The following WDFY4 variants were observed in gnomAD, a reference collection of about 807,000 sequenced individuals.
WDFY4 encodes the protein WDFY family member 4, also known as WD repeat- and FYVE domain-containing protein 4.
Under a neutral mutation model 351.9 loss-of-function variants are expected in WDFY4, and 169 were observed. That is an observed-to-expected ratio of 0.48 (90% confidence interval 0.42 to 0.55). The LOEUF is 0.55. Among genes scored for constraint, WDFY4 ranks in the 20% least tolerant of loss-of-function variants. The probability of loss-of-function intolerance (pLI) is 0.00; values close to 1 mark genes in which losing one functional copy is unlikely to be tolerated. For missense variants in WDFY4, 3,803 were observed against 3,935.6 expected (o/e 0.97, Z 0.90); for synonymous variants, 1,622 against 1,574.6 (o/e 1.03, Z -0.71).
intron 39 of WDFY4, among the ~76,000 whole-genome samples, chr10:48,862,894 A>C (rs1001985019): frequency 3.9e-5 from 6 of 152,186 alleles, no homozygotes; most frequent in African/African-American, 1.4e-4. Flanking sequence ...CTCTAGTCCT[A>C]AGCAATCACT....
At chr10:48,694,693 G>A (rs143874815) in intron 1 of WDFY4, among the ~76,000 whole-genome samples, 17 of 152,252 alleles carry the variant, frequency 1.1e-4, no homozygotes, top group African/African-American at 4.1e-4. Context: ...CTCTCACCAT[G>A]CACTCACTCA....
At chr10:48,704,690 T>C (rs925864908) in intron 1 of WDFY4, among the ~76,000 whole-genome samples, 1 of 152,134 alleles carries the variant, frequency 6.6e-6, no homozygotes, top group African/African-American at 2.4e-5. Context: ...GCTGGGGGTG[T>C]GCTGGGCAGC....
At position 48,743,143 on chromosome 10, in the gene WDFY4, T is replaced by C; in HGVS notation, c.2054T>C (p.Leu685Pro). The change falls in exon 12 of 62, where the codon CTC (leucine) becomes CCC (proline). Residue 685 changes from leucine (L) to proline (P), a missense_variant. Physicochemically the swap from Leu to Pro is moderately conservative, Grantham distance 98 (BLOSUM62 -3). Coordinates refer to ENST00000325239, the MANE Select transcript of WDFY4 (RefSeq NM_001394531.1). ...RQTLELVLYT[L>P]CAVSAALHWD... ...ACCCTGGAGCTGGTTTTGTACACTC[T>C]CTGTGCTGTGTCCGCAGCGCTGCAC... 1 of 1,551,674 alleles carries C rather than the reference T, an allele frequency of 6.4e-7. No individual in the cohort carries two copies. Among genetic ancestry groups the C allele is most frequent in the Non-Finnish European group, 8.7e-7 (1 of 1,146,986 alleles).
At chr10:48,955,629 C>T (rs1841550786) in intron 51 of WDFY4, among the ~76,000 whole-genome samples, 1 of 152,236 alleles carries the variant, frequency 6.6e-6, no homozygotes, top group Non-Finnish European at 1.5e-5. Flanking sequence ...CTTTGAGGAG[C>T]CTCCTTTTTC....
rs184481305 is a variant in WDFY4 at position 48,724,028 on chromosome 10, T to C, written c.591+461T>C. Among the ~76,000 whole-genome samples, 54 of 152,292 alleles carry C rather than the reference T, an allele frequency of 3.5e-4. No individual in the cohort carries two copies. The East Asian group carries it at 4.6e-3, about 13-fold the overall frequency. On this transcript the variant is annotated intron_variant, in intron 5 of 61. Coordinates refer to ENST00000325239, the MANE Select transcript of WDFY4 (RefSeq NM_001394531.1). ...ACATCTCAGGCCTCTAAGCATCAAA[T>C]GCAATTTCCTTCTGTCATTCCCCAT...
At chr10:48,692,948 G>T (rs1323743937) in intron 1 of WDFY4, among the ~76,000 whole-genome samples, 3 of 152,184 alleles carry the variant, frequency 2.0e-5, no homozygotes, top group Non-Finnish European at 4.4e-5. Flanking sequence ...AGAGGAGCAG[G>T]GTTGCTTCTT....
At chr10:48,964,148 GAA>G in intron 54 of WDFY4, 94 bp downstream of exon 54, 1 of 1,371,918 alleles carries the variant, frequency 7.3e-7, no homozygotes, top group East Asian at 2.5e-5. Context: ...GGAGATGGCT[GAA>G]GAGGTGAAAT....
intron 27 of WDFY4, among the ~76,000 whole-genome samples, chr10:48,807,388 T>C (rs1171294780): frequency 6.6e-6 from 1 of 152,252 alleles, no homozygotes; most frequent in East Asian, 1.9e-4. Context: ...CATATACCTC[T>C]GCTATGATTT....
chr10:48,978,465 A>G, intron 60 of WDFY4, 72 bp downstream of exon 60: 1 of 1,404,224 alleles, frequency 7.1e-7, no homozygotes, highest in South Asian at 1.4e-5. Flanking sequence ...TCTCCACCTC[A>G]GCCCAAGGGC....
At chr10:48,919,933 A>G in intron 47 of WDFY4, among the ~76,000 whole-genome samples, 1 of 152,240 alleles carries the variant, frequency 6.6e-6, no homozygotes, top group Non-Finnish European at 1.5e-5. Flanking sequence ...CCTGATGCTA[A>G]AATCACACAA....
intron 1 of WDFY4, among the ~76,000 whole-genome samples, chr10:48,692,217 A>G (rs923977082): frequency 1.1e-4 from 16 of 152,188 alleles, no homozygotes; most frequent in Admixed American, 3.9e-4. Context: ...CAAAAGGGGA[A>G]AAGCCCAGGG....
At chr10:48,836,018 A>G (rs1255098555) in intron 39 of WDFY4, among the ~76,000 whole-genome samples, 2 of 152,200 alleles carry the variant, frequency 1.3e-5, no homozygotes, top group African/African-American at 4.8e-5. Context: ...TGCTGAGATG[A>G]AACTTGCCAG....
intron 55 of WDFY4, 53 bp from the exon 56 acceptor site, chr10:48,969,011 G>T: frequency 6.5e-7 from 1 of 1,527,504 alleles, no homozygotes; most frequent in South Asian, 1.2e-5. Context: ...GGGCCCAGCT[G>T]TAGTGGGTGC....
chr10:48,874,716 G>A (rs1172086471), intron 41 of WDFY4, among the ~76,000 whole-genome samples: 3 of 152,186 alleles, frequency 2.0e-5, no homozygotes, highest in African/African-American at 7.2e-5. Context: ...CCAAGGGCTG[G>A]CTATGAAACC....
At chr10:48,927,553 T>C (rs189748525) in intron 47 of WDFY4, among the ~76,000 whole-genome samples, 2 of 152,322 alleles carry the variant, frequency 1.3e-5, no homozygotes, top group Non-Finnish European at 2.9e-5. Flanking sequence ...AATTATCTGG[T>C]TAATTTGATC....
intron 33 of WDFY4, 45 bp downstream of exon 33, chr10:48,820,482 C>T (rs919751008): frequency 2.3e-5 from 36 of 1,532,916 alleles, no homozygotes; most frequent in Non-Finnish European, 3.1e-5. Flanking sequence ...GTGGAGGCTG[C>T]CGGCATACCG....
chr10:48,968,332 G>C (rs1842179552), intron 55 of WDFY4: 1 of 152,296 alleles, frequency 6.6e-6, no homozygotes, highest in Non-Finnish European at 1.5e-5. Flanking sequence ...CTCTCCCTTT[G>C]ATCTGAGCAG....
At chr10:48,764,845 T>C (rs2065618407) in intron 13 of WDFY4, among the ~76,000 whole-genome samples, 2 of 152,212 alleles carry the variant, frequency 1.3e-5, no homozygotes, top group Non-Finnish European at 2.9e-5. Flanking sequence ...GTGTAGAAGA[T>C]AGTAAAACAA....
At chr10:48,707,327 C>A (rs2063657275) in intron 1 of WDFY4, among the ~76,000 whole-genome samples, 1 of 152,166 alleles carries the variant, frequency 6.6e-6, no homozygotes, top group Non-Finnish European at 1.5e-5. Flanking sequence ...GGGGAGATGG[C>A]CTGATGCCCG....
Sources: gnomAD v4.1 joint callset for allele counts (sites outside exome capture counted in the v4.1 genomes callset) on GRCh38, gnomAD v4.1.1 for gene constraint, MANE v1.5 for transcripts, NCBI Gene and HGNC (gene_info 2026-07-23, HGNC 2026-07-21) for gene names.